The following ACTR3C variants were observed in gnomAD, a reference collection of about 807,000 sequenced individuals.
ACTR3C encodes actin related protein 3C.
Under a neutral mutation model 26.3 loss-of-function variants are expected in ACTR3C, and 18 were observed. That is an observed-to-expected ratio of 0.68 (90% CI 0.47 to 1.01). The LOEUF (loss-of-function observed/expected upper bound fraction) is 1.01, where lower values mean the gene tolerates loss of function less well. Ranked by LOEUF, ACTR3C falls within the 50% of genes least tolerant of loss-of-function variation. The pLI, the probability that ACTR3C is intolerant of heterozygous loss-of-function variation, is 0.00. For missense variants in ACTR3C, 184 were observed against 250.7 expected (o/e 0.73, Z 1.80); for synonymous variants, 55 against 94.5 (o/e 0.58, Z 2.42).
chr7:150,123,173 T>C, the ACTR3C span, among the ~76,000 whole-genome samples: 2 of 151,850 alleles, frequency 1.3e-5, no homozygotes, highest in African/African-American at 4.8e-5. Context: ...CCATGGCACA[T>C]GTATACCTAC....
chr7:150,040,611 C>T, the ACTR3C span: 4 of 147,138 alleles, frequency 2.7e-5, 1 homozygote, highest in African/African-American at 7.9e-5. Flanking sequence ...TTTCTGTTCC[C>T]GAGCTGCGTT....
chr7:149,932,917 T>C, the ACTR3C span, among the ~76,000 whole-genome samples: 1 of 151,176 alleles, frequency 6.6e-6, no homozygotes, highest in East Asian at 1.9e-4. Context: ...ACACCACACT[T>C]ACGGGTGGTA....
intron 6 of ACTR3C, among the ~76,000 whole-genome samples, chr7:150,270,636 G>A (rs1160793458): frequency 6.6e-6 from 1 of 152,102 alleles, no homozygotes; most frequent in Admixed American, 6.5e-5. Context: ...CAGCCCATGT[G>A]CTCAGCACAG....
chr7:150,294,136 C>T (rs907688376), intron 2 of ACTR3C, among the ~76,000 whole-genome samples: 5 of 152,126 alleles, frequency 3.3e-5, no homozygotes, highest in African/African-American at 1.2e-4. Context: ...AAATTCTAAT[C>T]TGGAAGGTAC....
At chr7:150,056,148 T>C in the ACTR3C span, among the ~76,000 whole-genome samples, 10 of 152,194 alleles carry the variant, frequency 6.6e-5, no homozygotes, top group Admixed American at 3.9e-4. Flanking sequence ...TTTAACATAT[T>C]CTCTGAACCA....
the ACTR3C span, among the ~76,000 whole-genome samples, chr7:150,167,464 T>A: frequency 5.7e-3 from 867 of 151,076 alleles, 85 homozygotes; most frequent in African/African-American, 0.02. Flanking sequence ...AATATTGGGA[T>A]AATAGAATGC....
the ACTR3C span, among the ~76,000 whole-genome samples, chr7:150,010,090 C>T: frequency 6.6e-6 from 1 of 152,254 alleles, no homozygotes. Context: ...CACACCACTC[C>T]TTTCCCTTCC....
the ACTR3C span, among the ~76,000 whole-genome samples, chr7:150,079,426 T>C: frequency 6.6e-6 from 1 of 152,144 alleles, no homozygotes; most frequent in Non-Finnish European, 1.5e-5. Context: ...GGGTGATCAA[T>C]GAATAACAGC....
the ACTR3C span, among the ~76,000 whole-genome samples, chr7:150,145,434 T>C: frequency 6.6e-6 from 1 of 151,596 alleles, no homozygotes. Flanking sequence ...CCATAGGCCT[T>C]GTGGTCTTTA....
At chr7:149,953,781 A>G in the ACTR3C span, among the ~76,000 whole-genome samples, 1 of 148,108 alleles carries the variant, frequency 6.8e-6, no homozygotes, top group Non-Finnish European at 1.5e-5. Flanking sequence ...AAACCTACTG[A>G]TATTAGACTA....
chr7:150,317,703 G>A (rs1347049251), intron 1 of ACTR3C, among the ~76,000 whole-genome samples: 1 of 152,144 alleles, frequency 6.6e-6, no homozygotes, highest in Admixed American at 6.5e-5. Context: ...CTATCTTTGA[G>A]GTTGAGGTGG....
the ACTR3C span, among the ~76,000 whole-genome samples, chr7:150,145,318 T>C: frequency 6.6e-6 from 1 of 152,292 alleles, no homozygotes; most frequent in Admixed American, 6.5e-5. Flanking sequence ...TGTATAAATA[T>C]GACCAATGGA....
chr7:149,957,970 C>T, the ACTR3C span, among the ~76,000 whole-genome samples: 2 of 152,120 alleles, frequency 1.3e-5, no homozygotes, highest in Non-Finnish European at 2.9e-5. Context: ...GGGTGTTTCT[C>T]CAGCAACCGA....
At chr7:150,014,559 A>G in the ACTR3C span, among the ~76,000 whole-genome samples, 13 of 152,100 alleles carry the variant, frequency 8.5e-5, no homozygotes, top group Admixed American at 7.2e-4. Flanking sequence ...GTGGAGGCTG[A>G]CTTTCATTAA....
At chr7:150,071,359 C>T in the ACTR3C span, among the ~76,000 whole-genome samples, 6 of 150,000 alleles carry the variant, frequency 4.0e-5, no homozygotes, top group Admixed American at 1.3e-4. Flanking sequence ...CTCCTGACCT[C>T]GTGATCCACC....
the ACTR3C span, among the ~76,000 whole-genome samples, chr7:150,084,514 C>A: frequency 1.3e-5 from 2 of 151,948 alleles, no homozygotes; most frequent in African/African-American, 4.8e-5. Flanking sequence ...TGCCTCACTG[C>A]GGAGGTATCA....
chr7:150,041,955 C>A, the ACTR3C span, among the ~76,000 whole-genome samples: 1 of 147,476 alleles, frequency 6.8e-6, no homozygotes, highest in Non-Finnish European at 1.5e-5. Flanking sequence ...ACGTAAGGTA[C>A]CTGCTGTCGG....
chr7:150,208,546 A>T, the ACTR3C span, among the ~76,000 whole-genome samples: 3 of 152,140 alleles, frequency 2.0e-5, no homozygotes, highest in African/African-American at 7.2e-5. Context: ...GGGGATAATT[A>T]GCCCTAAAAC....
At chr7:150,257,449 A>T (rs550524943) in intron 6 of ACTR3C, among the ~76,000 whole-genome samples, 28 of 152,366 alleles carry the variant, frequency 1.8e-4, no homozygotes, top group Non-Finnish European at 3.1e-4. Flanking sequence ...GTCTGGACAG[A>T]CATGTCTCCT....
Sources: gnomAD v4.1 joint callset for allele counts (sites outside exome capture counted in the v4.1 genomes callset) on GRCh38, gnomAD v4.1.1 for gene constraint, MANE v1.5 for transcripts, NCBI Gene and HGNC (gene_info 2026-07-23, HGNC 2026-07-21) for gene names.